Variants in LIPG observed in about 807,000 individuals in gnomAD.
The protein encoded by LIPG is lipase G, endothelial type, also known as endothelial lipase.
In LIPG, 34 loss-of-function variants were observed where a neutral mutation model predicts 51.8. The ratio of observed to expected loss-of-function variants is 0.66; its 90% CI spans 0.50 to 0.87. LIPG has a LOEUF of 0.87. Ranked by LOEUF, LIPG falls within the 40% of genes least tolerant of loss-of-function variation. The probability of loss-of-function intolerance (pLI) is 0.00; values close to 1 mark genes in which losing one functional copy is unlikely to be tolerated. For missense variants in LIPG, 580 were observed against 652.7 expected, an observed-to-expected ratio of 0.89 and a Z score of 1.21; for synonymous variants, 246 against 246.1, an observed-to-expected ratio of 1.00 and a Z score of 0.00.
intron 5 of LIPG, among the ~76,000 whole-genome samples, chr18:49,576,562 G>T (rs534447610): frequency 7.3e-6 from 1 of 136,088 alleles, no homozygotes; most frequent in South Asian, 2.4e-4. Flanking sequence ...CTGCCTCCCA[G>T]ATTCAAGCAA....
rs891233702 is a variant in LIPG at position 49,596,889 on chromosome 18, C to G, written c.*6367C>G. On this transcript the variant is annotated 3_prime_UTR_variant, in exon 10 of 10. Coordinates refer to ENST00000261292, the MANE Select transcript of LIPG (RefSeq NM_006033.4). ...ACTTCCTACTCTCTTAGCCCCAGCT[C>G]TCTGGTATTCTGTGTAGCTGACTTC... 2.0e-5 allele frequency: 3 copies of G among 152,134 alleles called. No homozygotes were observed. Among genetic ancestry groups the G allele is most frequent in the Admixed American group, 1.3e-4 (2 of 15,278 alleles). The allele number at this position is 152,134 out of a possible 1,614,324, so 9.4% of individuals were successfully genotyped here.
rs1307885450 is a variant in LIPG at position 49,593,956 on chromosome 18, A to G, written c.*3434A>G. 1 of 152,252 alleles carries G rather than the reference A, an allele frequency of 6.6e-6. No individual in the cohort carries two copies. Among genetic ancestry groups the G allele is most frequent in the Non-Finnish European group, 1.5e-5 (1 of 68,044 alleles). The allele number at this position is 152,252 out of a possible 1,614,324, so 9.4% of individuals were successfully genotyped here. On this transcript the variant is annotated 3_prime_UTR_variant, in exon 10 of 10. Transcript: ENST00000261292. Reference sequence around the variant, plus strand: ...GTATAGTGATCATGTTGGAATAATTAGCATACCCATCCTTTCAAACATGTA... The same window carrying G: ...GTATAGTGATCATGTTGGAATAATTGGCATACCCATCCTTTCAAACATGTA...
At chr18:49,561,604 G>A (rs1213729003), upstream of LIPG, 19 of 1,048,638 alleles carry the variant, frequency 1.8e-5, no homozygotes, top group African/African-American at 8.2e-5. Flanking sequence ...GGATGACCAG[G>A]TGGCTCTCCC....
intron 5 of LIPG, among the ~76,000 whole-genome samples, chr18:49,577,788 C>G (rs1217457132): frequency 1.8e-5 from 2 of 110,512 alleles, no homozygotes; most frequent in African/African-American, 4.1e-5. Flanking sequence ...GCTGGCCAGG[C>G]GGGGGGCTGA....
intron 1 of LIPG, among the ~76,000 whole-genome samples, chr18:49,563,585 CA>C (rs1184599754): frequency 6.6e-6 from 1 of 151,344 alleles, no homozygotes; most frequent in Non-Finnish European, 1.5e-5. Flanking sequence ...CAGTGGTGCT[CA>C]GTATTATGGA....
intron 9 of LIPG, among the ~76,000 whole-genome samples, chr18:49,588,317 C>T (rs1201522622): frequency 2.0e-5 from 3 of 148,038 alleles, no homozygotes; most frequent in African/African-American, 7.5e-5. Context: ...AAGTCTCACT[C>T]TATCGCTCAG....
At chr18:49,569,173 C>A (rs991701217) in intron 3 of LIPG, among the ~76,000 whole-genome samples, 31 of 151,882 alleles carry the variant, frequency 2.0e-4, no homozygotes, top group African/African-American at 7.3e-4. Flanking sequence ...TAGGGAACAG[C>A]CACATATGCA....
At chr18:49,584,449 A>G (rs1042031907) in intron 8 of LIPG, among the ~76,000 whole-genome samples, 2 of 152,198 alleles carry the variant, frequency 1.3e-5, no homozygotes, top group Non-Finnish European at 2.9e-5. Context: ...TTCTAAACAG[A>G]AGCCAGGGAA....
intron 3 of LIPG, among the ~76,000 whole-genome samples, chr18:49,568,287 C>T (rs1299162619): frequency 1.3e-5 from 2 of 152,178 alleles, no homozygotes; most frequent in Non-Finnish European, 2.9e-5. Context: ...GCCTAGGCCT[C>T]CCAAAGTACT....
intron 5 of LIPG, among the ~76,000 whole-genome samples, chr18:49,579,377 A>G (rs2084790006): frequency 6.6e-6 from 1 of 151,686 alleles, no homozygotes; most frequent in African/African-American, 2.4e-5. Context: ...TTGGAAACAA[A>G]TGATCCTCCT....
chr18:49,597,103 A>C lies in LIPG; in HGVS notation c.*6581A>C, dbSNP rs1161580039. The C allele has an allele frequency of 5.3e-5, 8 of 152,260 alleles. No homozygotes were observed. Among genetic ancestry groups the C allele is most frequent in the African/African-American group, 1.9e-4 (8 of 41,468 alleles). The allele number at this position is 152,260 out of a possible 1,614,324, so 9.4% of individuals were successfully genotyped here. ...GGAAATTTTCCTCTCCCTAGCAAGC[A>C]AACTCAGAAACAAACAAACAAACGA... On this transcript the variant is annotated 3_prime_UTR_variant, in exon 10 of 10. Coordinates refer to ENST00000261292, the MANE Select transcript of LIPG (RefSeq NM_006033.4).
intron 8 of LIPG, among the ~76,000 whole-genome samples, chr18:49,585,018 A>C (rs144024388): frequency 6.6e-6 from 1 of 152,192 alleles, no homozygotes; most frequent in Non-Finnish European, 1.5e-5. Context: ...TTCAATGTTA[A>C]CAAATGTTAG....
At position 49,595,849 on chromosome 18, in the gene LIPG, GAATAA is replaced by G. The variant is rs1173247675; in HGVS notation, c.*5336_*5340del. The G allele has an allele frequency of 6.6e-6, 1 of 151,876 alleles. No homozygotes were observed. The highest frequency in any genetic ancestry group is 1.5e-5 in the Non-Finnish European group (1 of 67,922). The allele number at this position is 151,876 out of a possible 1,614,324, so 9.4% of individuals were successfully genotyped here. A position where few individuals can be genotyped will look rare whatever the true frequency, so the allele number is the denominator to read the frequency against. On this transcript the variant is annotated 3_prime_UTR_variant, in exon 10 of 10. Transcript: ENST00000261292. ...TCTCAAAATAAAATAAAATAGAATAGAATAAAATAAAATCCTTTCCACATATATGC... is the reference window on the plus strand; with the variant it reads ...TCTCAAAATAAAATAAAATAGAATAGAATAAAATCCTTTCCACATATATGC...
In LIPG at chr18:49,569,296, AGCCAGTGGG is replaced by A. The variant is rs1278112379; in HGVS notation, c.460-137_460-129del. 4 of 757,788 alleles carry A rather than the reference AGCCAGTGGG, an allele frequency of 5.3e-6. No homozygotes were observed. The African/African-American group carries it at 6.9e-5, about 13-fold the overall frequency. 46.9% of individuals were successfully genotyped at this position (757,788 alleles called of 1,614,324 possible). A position where few individuals can be genotyped will look rare whatever the true frequency, so the allele number is the denominator to read the frequency against. On this transcript the variant is annotated intron_variant, in intron 3 of 9. Transcript: ENST00000261292. Reference sequence around the variant, plus strand: ...CCCACACATGTAGCATCACCAGCAAAGCCAGTGGGGCCCTGGGGAGTCTCTGTGCCCACG... The same window carrying A: ...CCCACACATGTAGCATCACCAGCAAAGCCCTGGGGAGTCTCTGTGCCCACG...
chr18:49,585,121 G>A lies in LIPG; in HGVS notation c.1376+1347G>A, dbSNP rs145976125. 1.1e-4 allele frequency among the ~76,000 whole-genome samples: 16 copies of A among 152,262 alleles called. No individual in the cohort carries two copies. In the South Asian group the frequency reaches 2.3e-3, roughly 22 times the overall value. Reference sequence around the variant, plus strand: ...CTTTCATCCAGGCTGGAGTGCAGTGGCACAATCTTGGCTCACTGCAAACTC... The same window carrying A: ...CTTTCATCCAGGCTGGAGTGCAGTGACACAATCTTGGCTCACTGCAAACTC... On this transcript the variant is annotated intron_variant, in intron 8 of 9. Transcript: ENST00000261292.
chr18:49,579,807 TCTTTTCTTTTCTTTA>T (rs940302652), intron 5 of LIPG, among the ~76,000 whole-genome samples: 4 of 135,016 alleles, frequency 3.0e-5, no homozygotes, highest in East Asian at 2.4e-4. Context: ...TCTTTTCTTT[TCTTTTCTTTTCTTTA>T]CTTTACTTTT....
chr18:49,570,307 G>A (rs1728969585), intron 4 of LIPG, among the ~76,000 whole-genome samples: 1 of 152,202 alleles, frequency 6.6e-6, no homozygotes, highest in Admixed American at 6.5e-5. Flanking sequence ...TAATGATTGT[G>A]AAAAGTGTAA....
intron 8 of LIPG, 46 bp downstream of exon 8, chr18:49,583,820 A>T (rs1334067851): frequency 6.6e-7 from 1 of 1,524,140 alleles, no homozygotes; most frequent in East Asian, 2.4e-5. Context: ...GGTGGGGAAC[A>T]GAAGGCTGTG....
chr18:49,571,478 A>G (rs1030596079), intron 4 of LIPG, among the ~76,000 whole-genome samples: 3 of 152,152 alleles, frequency 2.0e-5, no homozygotes, highest in Non-Finnish European at 2.9e-5. Flanking sequence ...CAGAATGCTA[A>G]TTAGTGCTCT....
Sources: gnomAD v4.1 joint callset for allele counts (sites outside exome capture counted in the v4.1 genomes callset) on GRCh38, gnomAD v4.1.1 for gene constraint, MANE v1.5 for transcripts, NCBI Gene and HGNC (gene_info 2026-07-23, HGNC 2026-07-21) for gene names.